Variants in AGAP1 observed in about 807,000 individuals in gnomAD.
AGAP1 encodes the protein ArfGAP with GTPase domain, ankyrin repeat and PH domain 1.
Under a neutral mutation model 105.3 loss-of-function variants are expected in AGAP1, and 29 were observed. The observed-to-expected ratio is 0.28, with a 90% CI of 0.21 to 0.38. The LOEUF (loss-of-function observed/expected upper bound fraction) is 0.38. Ranked by LOEUF, AGAP1 falls within the 10% of genes least tolerant of loss-of-function variation. AGAP1 has a pLI of 1.00. For missense variants in AGAP1, 998 were observed against 1,165.1 expected (o/e 0.86, Z 2.09); for synonymous variants, 509 against 485.9 (o/e 1.05, Z -0.63).
intron 16 of AGAP1, among the ~76,000 whole-genome samples, chr2:236,091,524 A>C (rs1273834541): frequency 1.3e-5 from 2 of 152,192 alleles, no homozygotes; most frequent in African/African-American, 2.4e-5. Context: ...TAATCCCAGC[A>C]CTTTGGGAGG....
At chr2:235,694,919 C>T (rs1193673229) in intron 1 of AGAP1, among the ~76,000 whole-genome samples, 1 of 151,836 alleles carries the variant, frequency 6.6e-6, no homozygotes, top group Non-Finnish European at 1.5e-5. Context: ...GCAGTTTCAC[C>T]TGGTTTAACC....
chr2:235,954,990 TAGTC>T (rs1559690675), intron 12 of AGAP1, among the ~76,000 whole-genome samples: 1 of 152,140 alleles, frequency 6.6e-6, no homozygotes, highest in Non-Finnish European at 1.5e-5. Context: ...AGAGTTGCCT[TAGTC>T]AGTCTTTAAC....
chr2:235,657,375 G>A (rs985282220), intron 1 of AGAP1, among the ~76,000 whole-genome samples: 5 of 152,096 alleles, frequency 3.3e-5, no homozygotes, highest in African/African-American at 1.2e-4. Flanking sequence ...AAGTGATGTT[G>A]TTGTTGTTGT....
intron 8 of AGAP1, among the ~76,000 whole-genome samples, chr2:235,805,629 C>T (rs1957799541): frequency 6.6e-6 from 1 of 152,094 alleles, no homozygotes; most frequent in Non-Finnish European, 1.5e-5. Flanking sequence ...CAGCTTTTCT[C>T]ATCAACTGTG....
Position 236,049,103 on chromosome 2 carries a change from G to A in AGAP1, c.1936G>A (p.Glu646Lys), listed in dbSNP as rs376727493. 7.1e-5 allele frequency: 115 copies of A among 1,614,062 alleles called. No individual in the cohort carries two copies. The highest frequency in any genetic ancestry group is 1.1e-4 in the African/African-American group (8 of 74,916). The change falls in exon 16 of 18, where the codon GAA (glutamate) becomes AAA (lysine). Residue 646 changes from glutamate to lysine, a missense_variant. By Grantham distance (56) the Glu-to-Lys change is moderately conservative. Transcript: ENST00000304032. ...GAACTTGGGAGCCCTCATGTGCATC[G>A]AATGCTCAGGGATCCACCGGAATCT... ...SLNLGALMCI[E>K]CSGIHRNLGT...
intron 16 of AGAP1, among the ~76,000 whole-genome samples, chr2:236,070,565 TG>T (rs1429871054): frequency 6.6e-6 from 1 of 152,214 alleles, no homozygotes; most frequent in Non-Finnish European, 1.5e-5. Context: ...CACCAATGAA[TG>T]CATAAACAAA....
intron 6 of AGAP1, among the ~76,000 whole-genome samples, chr2:235,782,024 G>A (rs897159639): frequency 2.6e-5 from 4 of 152,126 alleles, no homozygotes; most frequent in Admixed American, 6.5e-5. Context: ...TAGTTGATTG[G>A]AATTGTTGTT....
At chr2:235,564,110 T>C (rs1450586409) in intron 1 of AGAP1, among the ~76,000 whole-genome samples, 1 of 152,214 alleles carries the variant, frequency 6.6e-6, no homozygotes, top group African/African-American at 2.4e-5. Context: ...CTTTTGTCAA[T>C]GTACGTTTTT....
chr2:235,570,738 C>T (rs1017353449), intron 1 of AGAP1, among the ~76,000 whole-genome samples: 1 of 152,190 alleles, frequency 6.6e-6, no homozygotes, highest in Admixed American at 6.5e-5. Context: ...CCTTGAGCCT[C>T]GGTTTCTTCC....
chr2:236,036,788 G>C lies in AGAP1; in HGVS notation c.1800+73G>C, dbSNP rs573995491. 1.5e-5 allele frequency: 24 copies of C among 1,577,584 alleles called. No homozygotes were observed. In the African/African-American group the frequency reaches 3.3e-4, roughly 22 times the overall value. ...AGTGCGGGCCCCAAGTAATGCCCCA[G>C]GGAGGAGAAAATAGAGGACCAGTGT... On this transcript the variant is annotated intron_variant, in intron 14 of 17. Transcript: ENST00000304032. This position sits in a 1 kb window ranked among gnomAD's most constrained non-coding sequence, Gnocchi z 5.7.
intron 13 of AGAP1, among the ~76,000 whole-genome samples, chr2:235,990,478 G>C (rs1036597467): frequency 3.3e-5 from 5 of 152,228 alleles, no homozygotes; most frequent in Admixed American, 2.0e-4. Context: ...GTGTTTGATG[G>C]TTGATGCTGC....
intron 12 of AGAP1, among the ~76,000 whole-genome samples, chr2:235,932,042 G>T (rs2052748009): frequency 6.6e-6 from 1 of 152,168 alleles, no homozygotes. Context: ...GCTCTCTAAG[G>T]CTCTCTGCCT....
intron 6 of AGAP1, among the ~76,000 whole-genome samples, chr2:235,779,715 G>A (rs1956141465): frequency 6.6e-6 from 1 of 152,226 alleles, no homozygotes. Context: ...TTTGCAGACT[G>A]AAGGTGAAAA....
chr2:235,658,859 C>T (rs1481738510), intron 1 of AGAP1, among the ~76,000 whole-genome samples: 2 of 152,314 alleles, frequency 1.3e-5, no homozygotes, highest in East Asian at 1.9e-4. Flanking sequence ...TCGGAATACC[C>T]GTGAGGGACC....
In AGAP1 at chr2:236,075,727, G is replaced by C. The variant is rs373287451; in HGVS notation, c.2114+26446G>C. Among the ~76,000 whole-genome samples the C allele has an allele frequency of 2.8e-3, 434 of 152,318 alleles. 10 individuals are homozygous for C. In the South Asian group the frequency reaches 0.04, roughly 14 times the overall value. On this transcript the variant is annotated intron_variant, in intron 16 of 17. Transcript: ENST00000304032. ...CTTCCCAAACCTCACAGGCCTTTCT[G>C]CGTCCCTGACAGAGGTCTCAAGAGG... is the stretch of plus-strand genomic sequence containing the variant.
At chr2:235,851,727 C>T (rs2048468943) in intron 9 of AGAP1, among the ~76,000 whole-genome samples, 1 of 152,092 alleles carries the variant, frequency 6.6e-6, no homozygotes, top group Non-Finnish European at 1.5e-5. Context: ...GACGGGGAAG[C>T]GCCTCTTGAC....
At chr2:235,686,682 GAC>G (rs1467511629) in intron 1 of AGAP1, among the ~76,000 whole-genome samples, 2 of 67,198 alleles carry the variant, frequency 3.0e-5, no homozygotes, top group Non-Finnish European at 5.8e-5. Flanking sequence ...TTTTTTTTTA[GAC>G]AGAGTCTTGC....
chr2:235,878,098 A>G (rs1220193778), intron 9 of AGAP1, among the ~76,000 whole-genome samples: 2 of 152,162 alleles, frequency 1.3e-5, no homozygotes, highest in African/African-American at 4.8e-5. Flanking sequence ...GCTGCCCCTC[A>G]GGGCCATATT....
chr2:235,954,289 C>T (rs1229452586), intron 12 of AGAP1, among the ~76,000 whole-genome samples: 1 of 151,590 alleles, frequency 6.6e-6, no homozygotes, highest in Non-Finnish European at 1.5e-5. Context: ...AGGAGACATC[C>T]ACAGAAGCAA....
Sources: allele counts gnomAD v4.1 joint callset (sites outside exome capture counted in the v4.1 genomes callset), GRCh38; gene constraint gnomAD v4.1.1; non-coding constraint Gnocchi (gnomAD v3.1); transcripts MANE v1.5; gene names NCBI Gene and HGNC (gene_info 2026-07-23, HGNC 2026-07-21).